Variants in KCNN2 observed in about 807,000 individuals in gnomAD.
KCNN2 encodes small conductance calcium-activated potassium channel protein 2.
Under a neutral mutation model 55.5 loss-of-function variants are expected in KCNN2, and 24 were observed. The observed-to-expected ratio is 0.43, with a 90% confidence interval of 0.31 to 0.61. KCNN2 has a LOEUF of 0.61. KCNN2 is among the 20% of genes least tolerant of loss of function. KCNN2 has a pLI of 0.08. For missense variants in KCNN2, 754 were observed against 853.6 expected, an observed-to-expected ratio of 0.88 and a Z score of 1.45; for synonymous variants, 431 against 336.1, an observed-to-expected ratio of 1.28 and a Z score of -3.09.
chr5:114,262,521 G>T (rs1381423767), intron 2 of KCNN2, among the ~76,000 whole-genome samples: 1 of 152,134 alleles, frequency 6.6e-6, no homozygotes, highest in African/African-American at 2.4e-5. Context: ...AGTGAATCCT[G>T]GCTCTGGTTT....
intron 1 of KCNN2, among the ~76,000 whole-genome samples, chr5:114,103,292 C>G (rs1271121315): frequency 6.6e-6 from 1 of 152,234 alleles, no homozygotes; most frequent in Admixed American, 6.5e-5. Flanking sequence ...CCTGAGACGG[C>G]TGAAGTTGCT....
chr5:114,337,614 GTTC>G (rs1209070499), intron 2 of KCNN2, among the ~76,000 whole-genome samples: 3 of 152,134 alleles, frequency 2.0e-5, no homozygotes, highest in Non-Finnish European at 2.9e-5. Context: ...TGTAGCCAAA[GTTC>G]TTCTTCTTTG....
At chr5:114,180,743 G>A (rs1753222113) in intron 1 of KCNN2, among the ~76,000 whole-genome samples, 1 of 152,046 alleles carries the variant, frequency 6.6e-6, no homozygotes, top group Admixed American at 6.6e-5. Flanking sequence ...ATACAATACA[G>A]ACTATAGCCA....
intron 2 of KCNN2, 110 bp downstream of exon 2, chr5:114,364,111 C>G: frequency 2.6e-6 from 2 of 760,040 alleles, no homozygotes; most frequent in African/African-American, 1.7e-5. Context: ...CTTGAGGTTA[C>G]AGAAGACACA....
chr5:114,109,996 A>G (rs1025229946), intron 1 of KCNN2, among the ~76,000 whole-genome samples: 2 of 151,996 alleles, frequency 1.3e-5, no homozygotes, highest in African/African-American at 4.8e-5. Flanking sequence ...CATGAATGAG[A>G]TTAAGGCTCT....
At chr5:114,065,947 G>T (rs1357665230) in intron 1 of KCNN2, among the ~76,000 whole-genome samples, 3 of 134,936 alleles carry the variant, frequency 2.2e-5, no homozygotes, top group African/African-American at 8.4e-5. Flanking sequence ...CATGAGACTG[G>T]GTGGTTCCTA....
chr5:114,076,705 T>C (rs893751633), intron 1 of KCNN2, among the ~76,000 whole-genome samples: 1 of 152,212 alleles, frequency 6.6e-6, no homozygotes, highest in African/African-American at 2.4e-5. Context: ...ATTTTTCTAT[T>C]TTTTGAGAGA....
intron 1 of KCNN2, among the ~76,000 whole-genome samples, chr5:114,218,464 A>G (rs939393071): frequency 2.6e-5 from 4 of 152,182 alleles, no homozygotes; most frequent in African/African-American, 9.7e-5. Context: ...TAAAATGCAT[A>G]TTACTAAACT....
upstream of KCNN2, among the ~76,000 whole-genome samples, chr5:114,358,663 C>T (rs576864083): frequency 1.3e-5 from 2 of 151,812 alleles, no homozygotes; most frequent in Non-Finnish European, 2.9e-5. Context: ...TTTTTTTCCC[C>T]CAATGTTTCT....
intron 3 of KCNN2, among the ~76,000 whole-genome samples, chr5:114,462,511 T>C (rs936940170): frequency 6.6e-5 from 10 of 152,124 alleles, no homozygotes; most frequent in Non-Finnish European, 1.2e-4. Flanking sequence ...ATGTGCCCGA[T>C]ACTCAGGGAG....
At chr5:114,161,367 A>G (rs532873161) in intron 1 of KCNN2, among the ~76,000 whole-genome samples, 47 of 139,940 alleles carry the variant, frequency 3.4e-4, no homozygotes, top group African/African-American at 1.2e-3. Context: ...CTGCCAAGAG[A>G]TCAGCTGTTA....
At chr5:114,060,828 AT>A (rs778633451) in intron 1 of KCNN2, among the ~76,000 whole-genome samples, 44 of 152,356 alleles carry the variant, frequency 2.9e-4, no homozygotes, top group Non-Finnish European at 2.1e-4. Context: ...TTCAGCTATT[AT>A]TATTTTCCAA....
intron 3 of KCNN2, among the ~76,000 whole-genome samples, chr5:114,444,396 GA>G (rs5870610): frequency 1.3e-5 from 2 of 151,372 alleles, no homozygotes; most frequent in African/African-American, 2.4e-5. Context: ...TAAGATACAA[GA>G]AAAAAAAGAC....
chr5:114,368,807 C>T (rs1311101067), intron 2 of KCNN2, among the ~76,000 whole-genome samples: 1 of 151,996 alleles, frequency 6.6e-6, no homozygotes. Flanking sequence ...TACACCCATA[C>T]CTTGCTTATA....
intron 2 of KCNN2, among the ~76,000 whole-genome samples, chr5:114,327,621 C>T (rs776097785): frequency 1.3e-5 from 2 of 152,182 alleles, no homozygotes; most frequent in Non-Finnish European, 2.9e-5. Context: ...CCATATCAAG[C>T]TACATTTGTA....
chr5:114,168,313 T>C (rs537187732), intron 1 of KCNN2, among the ~76,000 whole-genome samples: 70 of 152,188 alleles, frequency 4.6e-4, no homozygotes, highest in African/African-American at 1.5e-3. Flanking sequence ...TGTTTTACTT[T>C]AATAAGACAA....
In KCNN2 at chr5:114,404,636, C is replaced by T. The variant is rs1382008819; in HGVS notation, c.1417C>T (p.Pro473Ser). The T allele has an allele frequency of 1.2e-6, 2 of 1,613,718 alleles. No individual in the cohort carries two copies. Among genetic ancestry groups the T allele is most frequent in the African/African-American group, 1.3e-5 (1 of 74,896 alleles). The part of the protein sequence containing the change: ...TADVDIILSI[P>S]MFLRLYLIAR... ...TGATGTGGATATTATTTTATCTATA[C>T]CAATGTTCTTAAGACTCTATCTGAT... The change falls in exon 3 of 8, where the codon CCA becomes TCA. Residue 473 changes from proline to serine, a missense_variant. Pro to Ser is a moderately conservative substitution (Grantham distance 74, BLOSUM62 -1). Transcript: ENST00000673685.
intron 3 of KCNN2, among the ~76,000 whole-genome samples, chr5:114,426,964 T>C (rs2150084515): frequency 6.6e-6 from 1 of 152,316 alleles, no homozygotes; most frequent in African/African-American, 2.4e-5. Context: ...GAAAGGAAAG[T>C]TTCACATTTT....
intron 1 of KCNN2, among the ~76,000 whole-genome samples, chr5:114,102,152 G>A (rs1327636350): frequency 6.6e-6 from 1 of 152,106 alleles, no homozygotes; most frequent in Non-Finnish European, 1.5e-5. Flanking sequence ...ATATCTCATT[G>A]TGATTTTGAT....
Sources: allele counts gnomAD v4.1 joint callset (sites outside exome capture counted in the v4.1 genomes callset), GRCh38; gene constraint gnomAD v4.1.1; transcripts MANE v1.5; gene names NCBI Gene and HGNC (gene_info 2026-07-23, HGNC 2026-07-21).